Variants in FAM135B observed in about 807,000 individuals in gnomAD.
FAM135B encodes protein FAM135B.
In FAM135B, 43 loss-of-function variants were observed where a neutral mutation model predicts 127.7. The ratio of observed to expected loss-of-function variants is 0.34; its 90% CI spans 0.26 to 0.43. The LOEUF is 0.43. Ranked by LOEUF, FAM135B falls within the 20% of genes least tolerant of loss-of-function variation. The pLI is 1.00. For synonymous variants in FAM135B, 670 were observed against 665.1 expected (o/e 1.01, Z -0.11); for missense variants, 1,558 against 1,725.6 (o/e 0.90, Z 1.72).
In FAM135B at chr8:138,222,678, G is replaced by GTT. The variant is rs33913656; in HGVS notation, c.669+20262_669+20263dup. Among the ~76,000 whole-genome samples, 420 of 103,970 alleles carry GTT rather than the reference G, an allele frequency of 4.0e-3. 4 individuals carry two copies. The highest frequency in any genetic ancestry group is 0.011 in the African/African-American group (322 of 28,548). The allele number at this position is 103,970 out of a possible 152,430, so 68.2% of individuals were successfully genotyped here. A position where few individuals can be genotyped will look rare whatever the true frequency, so the allele number is the denominator to read the frequency against. ...TGTTTGTAGGATTTTTGTTGGTGGT[G>GTT]TTTTTTTTTTTTTTTTTTTTTTTAA... is the stretch of plus-strand genomic sequence containing the variant. On this transcript the variant is annotated intron_variant, in intron 7 of 19. Coordinates refer to ENST00000395297, the MANE Select transcript of FAM135B (RefSeq NM_015912.4).
chr8:138,164,073 A>T (rs1228086156), intron 12 of FAM135B, among the ~76,000 whole-genome samples: 1 of 152,236 alleles, frequency 6.6e-6, no homozygotes, highest in African/African-American at 2.4e-5. Context: ...ATATAATTGT[A>T]TCTGATAACG....
In FAM135B at chr8:138,151,735, C is replaced by T. The variant is rs1285961412; in HGVS notation, c.2740G>A (p.Gly914Ser). 2 of 1,614,112 alleles carry T rather than the reference C, an allele frequency of 1.2e-6. No homozygotes were observed. Among genetic ancestry groups the T allele is most frequent in the South Asian group, 1.1e-5 (1 of 91,072 alleles). The change falls in exon 13 of 20, where the codon GGT (glycine) becomes AGT (serine). Residue 914 changes from glycine to serine, a missense_variant. Around this residue, in one of 5 missense-constraint regions of FAM135B, gnomAD observed 923 missense variants for 865.3 expected, o/e 1.07. Transcript: ENST00000395297. ...PKGMPKDLNV[G>S]QQALSNSGIS... ...CCACTGTTGGAAAGAGCTTGCTGAC[C>T]CACATTCAAGTCTTTAGGCATGCCC...
intron 2 of FAM135B, among the ~76,000 whole-genome samples, chr8:138,367,114 G>A (rs1205821707): frequency 6.6e-6 from 1 of 152,156 alleles, no homozygotes; most frequent in Admixed American, 6.5e-5. Context: ...AAGCCATTAA[G>A]TTTTAGAAAA....
intron 1 of FAM135B, among the ~76,000 whole-genome samples, chr8:138,419,414 C>A (rs1027886647): frequency 2.0e-5 from 3 of 152,120 alleles, no homozygotes; most frequent in Non-Finnish European, 4.4e-5. Context: ...TAATAGGAAT[C>A]TTTAACCCCC....
At chr8:138,202,518 G>A (rs1817221831) in intron 7 of FAM135B, among the ~76,000 whole-genome samples, 1 of 152,114 alleles carries the variant, frequency 6.6e-6, no homozygotes, top group South Asian at 2.1e-4. Flanking sequence ...CTCAAAAGTA[G>A]TGGGATTCCA....
At chr8:138,182,364 CAA>C (rs1195158664) in intron 9 of FAM135B, among the ~76,000 whole-genome samples, 2 of 152,150 alleles carry the variant, frequency 1.3e-5, no homozygotes, top group Non-Finnish European at 2.9e-5. Flanking sequence ...TTTACACTAA[CAA>C]AGAGGCAGCT....
chr8:138,358,123 T>A (rs903305937), intron 2 of FAM135B, among the ~76,000 whole-genome samples: 26 of 152,052 alleles, frequency 1.7e-4, no homozygotes, highest in African/African-American at 5.8e-4. Context: ...TCAGCTCTCA[T>A]GAAACTTATT....
At chr8:138,205,122 C>T (rs1438498698) in intron 7 of FAM135B, among the ~76,000 whole-genome samples, 3 of 152,184 alleles carry the variant, frequency 2.0e-5, no homozygotes, top group Admixed American at 2.0e-4. Flanking sequence ...AAACAGCTAA[C>T]ACTTATTATT....
chr8:138,154,048 A>G (rs1563698406), intron 12 of FAM135B, among the ~76,000 whole-genome samples: 1 of 152,182 alleles, frequency 6.6e-6, no homozygotes. Flanking sequence ...GTAGGCACTG[A>G]CTGACACCTC....
At chr8:138,239,658 C>T (rs1418349934) in intron 7 of FAM135B, among the ~76,000 whole-genome samples, 1 of 152,116 alleles carries the variant, frequency 6.6e-6, no homozygotes, top group Non-Finnish European at 1.5e-5. Flanking sequence ...GGTATATACC[C>T]AAAGGATTAT....
intron 7 of FAM135B, among the ~76,000 whole-genome samples, chr8:138,235,094 CT>C (rs1820168534): frequency 6.6e-6 from 1 of 152,202 alleles, no homozygotes; most frequent in Non-Finnish European, 1.5e-5. Flanking sequence ...TTAAAAAGTA[CT>C]GTAGACCCTA....
At chr8:138,138,772 C>A (rs1193534866) in intron 18 of FAM135B, among the ~76,000 whole-genome samples, 1 of 152,248 alleles carries the variant, frequency 6.6e-6, no homozygotes, top group Non-Finnish European at 1.5e-5. Context: ...CACACCTTGG[C>A]TCAATCTCTC....
chr8:138,348,101 T>C (rs1829531848), intron 2 of FAM135B, among the ~76,000 whole-genome samples: 1 of 147,686 alleles, frequency 6.8e-6, no homozygotes, highest in Non-Finnish European at 1.5e-5. Context: ...GCAACAACAA[T>C]CAGATTAGTT....
Position 138,132,809 on chromosome 8 carries a change from G to T in FAM135B, c.4016-11C>A. ...CTGCATAAACTGGCCCTGTAAAGTG[G>T]GGAAGAAGGACATGAAGCTGGTGCA... On this transcript the variant is annotated splice_polypyrimidine_tract_variant and intron_variant, in intron 19 of 19. Transcript: ENST00000395297. The surrounding 1 kb of genome is among the most constrained non-coding windows in gnomAD (Gnocchi z 4.5). 6.2e-7 allele frequency: 1 copy of T among 1,612,924 alleles called. No homozygotes were observed. Among genetic ancestry groups the T allele is most frequent in the Non-Finnish European group, 8.5e-7 (1 of 1,179,046 alleles).
chr8:138,301,713 G>A (rs935390727), intron 3 of FAM135B, among the ~76,000 whole-genome samples: 1 of 152,182 alleles, frequency 6.6e-6, no homozygotes, highest in South Asian at 2.1e-4. Flanking sequence ...CCTCATGAAA[G>A]ATTAACTTAT....
At chr8:138,288,493 G>C (rs982260021) in intron 3 of FAM135B, among the ~76,000 whole-genome samples, 3 of 152,120 alleles carry the variant, frequency 2.0e-5, no homozygotes, top group African/African-American at 4.8e-5. Context: ...AAAGGAAGGT[G>C]GGGGAGACAG....
At chr8:138,487,581 G>A (rs1815028183) in intron 1 of FAM135B, among the ~76,000 whole-genome samples, 1 of 151,208 alleles carries the variant, frequency 6.6e-6, no homozygotes, top group Non-Finnish European at 1.5e-5. Flanking sequence ...ATGGTGGGTG[G>A]GAGCTGTCCA....
At chr8:138,435,761 C>G (rs1006950197) in intron 1 of FAM135B, among the ~76,000 whole-genome samples, 1 of 152,140 alleles carries the variant, frequency 6.6e-6, no homozygotes, top group Non-Finnish European at 1.5e-5. Flanking sequence ...GCCCTCTGGT[C>G]TGCTCTCAAA....
chr8:138,469,031 A>G, intron 1 of FAM135B, among the ~76,000 whole-genome samples: 1 of 150,358 alleles, frequency 6.7e-6, no homozygotes, highest in Non-Finnish European at 1.5e-5. Context: ...GCGACAGAAC[A>G]AGATTCTGTC....
Sources: allele counts gnomAD v4.1 joint callset (sites outside exome capture counted in the v4.1 genomes callset), GRCh38; gene constraint gnomAD v4.1.1; regional missense constraint gnomAD v4.1.1; non-coding constraint Gnocchi (gnomAD v3.1); transcripts MANE v1.5; gene names NCBI Gene and HGNC (gene_info 2026-07-23, HGNC 2026-07-21).